The following SPRYD4 variants were observed in gnomAD, a reference collection of about 807,000 sequenced individuals.
SPRYD4 encodes SPRY domain-containing protein 4.
A neutral mutation model predicts 16.6 loss-of-function variants in SPRYD4; 12 were observed. The ratio of observed to expected loss-of-function variants is 0.72; its 90% CI spans 0.46 to 1.17. The LOEUF is 1.17. Among genes scored for constraint, SPRYD4 ranks in the 50% most tolerant of loss-of-function variants. SPRYD4 has a pLI of 0.00. For synonymous variants in SPRYD4, 98 were observed against 105.4 expected (o/e 0.93, Z 0.43); for missense variants, 260 against 260.2 (o/e 1.00, Z 0.00).
At position 56,476,530 on chromosome 12, in the gene SPRYD4, G is replaced by A. The variant is rs569131224; in HGVS notation, c.*6953G>A. On this transcript the variant is annotated 3_prime_UTR_variant, in exon 2 of 2. Transcript: ENST00000338146. ...GCAATTTGGGGGGCTGAGGCAGGAG[G>A]ATCGCTTGAGACCAGGGGTTTGAGA... 2.5e-3 allele frequency: 384 copies of A among 154,848 alleles called. 1 individual carries two copies. Among genetic ancestry groups the A allele is most frequent in the Middle Eastern group, 0.02 (6 of 302 alleles). 9.6% of individuals were successfully genotyped at this position (154,848 alleles called of 1,614,324 possible). A position where few individuals can be genotyped will look rare whatever the true frequency, so the allele number is the denominator to read the frequency against.
Position 56,469,351 on chromosome 12 carries a change from C to A in SPRYD4, c.398C>A (p.Thr133Asn), listed in dbSNP as rs146673445. Residue 133 changes from threonine to asparagine, a missense_variant, in exon 2 of 2, where the codon ACC (threonine) becomes AAC (asparagine). Transcript: ENST00000338146. ...ACCTATGCCCAGCGCAAGTGGTACA[C>A]CATGTTGGCCAACGAGAAAGCCCCA... ...VFTYAQRKWY[T>N]MLANEKAPVE... 5 of 1,614,008 alleles carry A rather than the reference C, an allele frequency of 3.1e-6. No individual in the cohort carries two copies. In the African/African-American group the frequency reaches 6.7e-5, roughly 22 times the overall value.
chr12:56,468,596 C>T lies in SPRYD4; in HGVS notation c.5C>T (p.Ala2Val). The change falls in exon 1 of 2, where the codon GCG becomes GTG. Residue 2 changes from alanine to valine, a missense_variant. Ala to Val is a moderately conservative substitution (Grantham distance 64, BLOSUM62 0). Coordinates refer to ENST00000338146, the MANE Select transcript of SPRYD4 (RefSeq NM_207344.4). Reference protein sequence around the residue: MALLFARSLRLC... With the variant: MVLLFARSLRLC... Reference sequence around the variant, plus strand: ...CCGGTTCATCCAAGGCGCAAGATGGCGCTGCTTTTTGCACGTTCTTTGCGC... The same window carrying T: ...CCGGTTCATCCAAGGCGCAAGATGGTGCTGCTTTTTGCACGTTCTTTGCGC... 6.2e-7 allele frequency: 1 copy of T among 1,613,244 alleles called. No individual in the cohort carries two copies. Among genetic ancestry groups the T allele is most frequent in the Non-Finnish European group, 8.5e-7 (1 of 1,179,940 alleles).
chr12:56,469,553 G>A lies in SPRYD4; in HGVS notation c.600G>A (p.Gly200=). 6.2e-7 allele frequency: 1 copy of A among 1,613,810 alleles called. No individual in the cohort carries two copies. The highest frequency in any genetic ancestry group is 1.7e-4 in the Middle Eastern group (1 of 6,058). ...LWDGELLTHS[G]LEVPEGL ...ATGGGGAGCTGCTGACCCATTCAGG[G>A]CTTGAGGTGCCCGAGGGCCTCTAGT... The change falls in exon 2 of 2, where the codon GGG becomes GGA. Residue 200 remains glycine (G), a synonymous_variant. Coordinates refer to ENST00000338146, the MANE Select transcript of SPRYD4 (RefSeq NM_207344.4).
rs753517065 is a variant in SPRYD4, at chr12:56,474,868, GCC to G, written c.*5292_*5293del. 6.2e-7 allele frequency: 1 copy of G among 1,614,180 alleles called. No homozygotes were observed. The highest frequency in any genetic ancestry group is 8.5e-7 in the Non-Finnish European group (1 of 1,180,032). On this transcript the variant is annotated 3_prime_UTR_variant, in exon 2 of 2. Coordinates refer to ENST00000338146, the MANE Select transcript of SPRYD4 (RefSeq NM_207344.4). ...TACCTGGAAGTAGAGATCAAGGGCA[GCC>G]ATCATGTCCACCCCCTTAGGAAAGC... is the stretch of plus-strand genomic sequence containing the variant.
Position 56,469,527 on chromosome 12 carries a change from G to C in SPRYD4, c.574G>C (p.Asp192His), listed in dbSNP as rs1441559573. The C allele has an allele frequency of 6.2e-7, 1 of 1,613,974 alleles. No homozygotes were observed. The highest frequency in any genetic ancestry group is 1.3e-5 in the African/African-American group (1 of 74,906). Residue 192 changes from aspartate to histidine, a missense_variant, in exon 2 of 2, where the codon GAT becomes CAT. Coordinates refer to ENST00000338146, the MANE Select transcript of SPRYD4 (RefSeq NM_207344.4). ...AGTGGTGCCTGCCTTTGCTCTCTGG[G>C]ATGGGGAGCTGCTGACCCATTCAGG... ...GPVVPAFALW[D>H]GELLTHSGLE... is the part of the protein sequence containing the mutation.
chr12:56,477,013 C>T lies in SPRYD4; in HGVS notation c.*7436C>T, dbSNP rs1869887383. Reference sequence around the variant, plus strand: ...GAGAGACTCAGCCTCTTTTCCTCACCCAGACTCATTGCTTACTCATGTGTC... The same window carrying T: ...GAGAGACTCAGCCTCTTTTCCTCACTCAGACTCATTGCTTACTCATGTGTC... On this transcript the variant is annotated 3_prime_UTR_variant, in exon 2 of 2. Coordinates refer to ENST00000338146, the MANE Select transcript of SPRYD4 (RefSeq NM_207344.4). 1 of 152,226 alleles carries T rather than the reference C, an allele frequency of 6.6e-6. No homozygotes were observed. Among genetic ancestry groups the T allele is most frequent in the African/African-American group, 2.4e-5 (1 of 41,442 alleles). 9.4% of individuals were successfully genotyped at this position (152,226 alleles called of 1,614,324 possible).
chr12:56,469,246 A>T lies in SPRYD4; in HGVS notation c.293A>T (p.Gln98Leu). 6.2e-7 allele frequency: 1 copy of T among 1,614,012 alleles called. No homozygotes were observed. The highest frequency in any genetic ancestry group is 8.5e-7 in the Non-Finnish European group (1 of 1,179,900). ...HYWEVTVKRS[Q>L]QFRIGVADVD... ...TGGGAAGTGACAGTGAAGCGCTCCC[A>T]GCAGTTCCGGATAGGAGTGGCAGAT... The change falls in exon 2 of 2, where the codon CAG becomes CTG. Residue 98 changes from glutamine to leucine, a missense_variant. Physicochemically the swap from Gln to Leu is moderately radical, Grantham distance 113. Transcript: ENST00000338146.
At position 56,477,637 on chromosome 12, in the gene SPRYD4, C is replaced by T; in HGVS notation, c.*8060C>T. 1 of 1,607,790 alleles carries T rather than the reference C, an allele frequency of 6.2e-7. No homozygotes were observed. Among genetic ancestry groups the T allele is most frequent in the Non-Finnish European group, 8.5e-7 (1 of 1,175,784 alleles). ...CAGGAGCTTAGAGGATAATACCTAT[C>T]AGAAGGTTAAGGTGGCACTGACCTT... On this transcript the variant is annotated 3_prime_UTR_variant, in exon 2 of 2. Transcript: ENST00000338146.
rs1869781599 is a variant in SPRYD4 at position 56,476,052 on chromosome 12, G to C, written c.*6475G>C. ...GAGGGAAGGGTCAGAAGGATCTAGT[G>C]GAGTTCTAGTGTTAGTCTGGTCCTG... On this transcript the variant is annotated 3_prime_UTR_variant, in exon 2 of 2. Transcript: ENST00000338146. 1 of 1,440,404 alleles carries C rather than the reference G, an allele frequency of 6.9e-7. No individual in the cohort carries two copies. The highest frequency in any genetic ancestry group is 1.4e-5 in the African/African-American group (1 of 71,742). The allele number at this position is 1,440,404 out of a possible 1,614,324, so 89.2% of individuals were successfully genotyped here. A position where few individuals can be genotyped will look rare whatever the true frequency, so the allele number is the denominator to read the frequency against.
chr12:56,472,797 T>C lies in SPRYD4; in HGVS notation c.*3220T>C. 6.4e-7 allele frequency: 1 copy of C among 1,553,260 alleles called. No homozygotes were observed. Reference sequence around the variant, plus strand: ...ACATGACATTAATTGAACTCACCTATGCCAGCTGTGCCCTGTGACCCTCCT... The same window carrying C: ...ACATGACATTAATTGAACTCACCTACGCCAGCTGTGCCCTGTGACCCTCCT... On this transcript the variant is annotated 3_prime_UTR_variant, in exon 2 of 2. Transcript: ENST00000338146.
rs1869133460 is a variant in SPRYD4 at position 56,469,267 on chromosome 12, C to T, written c.314C>T (p.Ala105Val). The change falls in exon 2 of 2, where the codon GCA becomes GTA. Residue 105 changes from alanine (A) to valine (V), a missense_variant. Transcript: ENST00000338146. Reference protein sequence around the residue: ...KRSQQFRIGVADVDMSRDSCI... With the variant: ...KRSQQFRIGVVDVDMSRDSCI... ...TCCCAGCAGTTCCGGATAGGAGTGG[C>T]AGATGTGGACATGTCCCGGGATAGC... 6.2e-7 allele frequency: 1 copy of T among 1,613,912 alleles called. No individual in the cohort carries two copies. Among genetic ancestry groups the T allele is most frequent in the African/African-American group, 1.3e-5 (1 of 74,912 alleles).
Position 56,475,068 on chromosome 12 carries a change from G to C in SPRYD4, c.*5491G>C, listed in dbSNP as rs559073025. 1 of 1,614,086 alleles carries C rather than the reference G, an allele frequency of 6.2e-7. No individual in the cohort carries two copies. The highest frequency in any genetic ancestry group is 8.5e-7 in the Non-Finnish European group (1 of 1,180,034). ...CCTTCTTTTCCTTGAGATAATAGCC[G>C]ATGGCATAATTCCGATCCCCTGTTT... On this transcript the variant is annotated 3_prime_UTR_variant, in exon 2 of 2. Transcript: ENST00000338146.
In SPRYD4 at chr12:56,474,838, TTTC is replaced by T. The variant is rs766646643; in HGVS notation, c.*5264_*5266del. On this transcript the variant is annotated 3_prime_UTR_variant, in exon 2 of 2. Coordinates refer to ENST00000338146, the MANE Select transcript of SPRYD4 (RefSeq NM_207344.4). ...CTGTTCCCTCGGCCCTGAGCAGTGTTTTCTTACCTGGAAGTAGAGATCAAGGGC... is the reference window on the plus strand; with the variant it reads ...CTGTTCCCTCGGCCCTGAGCAGTGTTTTACCTGGAAGTAGAGATCAAGGGC... The T allele has an allele frequency of 1.2e-6, 2 of 1,614,024 alleles. No homozygotes were observed. Among genetic ancestry groups the T allele is most frequent in the African/African-American group, 2.7e-5 (2 of 74,904 alleles).
At position 56,471,369 on chromosome 12, in the gene SPRYD4, A is replaced by T; in HGVS notation, c.*1792A>T. 9.0e-7 allele frequency: 1 copy of T among 1,114,174 alleles called. No homozygotes were observed. Among genetic ancestry groups the T allele is most frequent in the Non-Finnish European group, 1.3e-6 (1 of 799,192 alleles). The allele number at this position is 1,114,174 out of a possible 1,614,324, so 69.0% of individuals were successfully genotyped here. On this transcript the variant is annotated 3_prime_UTR_variant, in exon 2 of 2. Coordinates refer to ENST00000338146, the MANE Select transcript of SPRYD4 (RefSeq NM_207344.4). The stretch of plus-strand genomic sequence containing the variant: ...AGAAAGCACTAGCCTAAGTCACCAA[A>T]TGACTGCTTGGTCCCCACTGAAGCA...
In SPRYD4 at chr12:56,469,326, A is replaced by G. The variant is rs765995163; in HGVS notation, c.373A>G (p.Thr125Ala). Residue 125 changes from threonine to alanine, a missense_variant, in exon 2 of 2, where the codon ACC (threonine) becomes GCC (alanine). Physicochemically the swap from Thr to Ala is moderately conservative, Grantham distance 58. Transcript: ENST00000338146. Reference protein sequence around the residue: ...IGVDDRSWVFTYAQRKWYTML... With the variant: ...IGVDDRSWVFAYAQRKWYTML... ...TGTTGATGATCGTTCCTGGGTGTTC[A>G]CCTATGCCCAGCGCAAGTGGTACAC... 4 of 1,614,076 alleles carry G rather than the reference A, an allele frequency of 2.5e-6. No individual in the cohort carries two copies. The highest frequency in any genetic ancestry group is 2.2e-5 in the South Asian group (2 of 91,076).
intron 1 of SPRYD4, 103 bp downstream of exon 1, chr12:56,468,779 T>C: frequency 7.8e-7 from 1 of 1,284,070 alleles, no homozygotes; most frequent in South Asian, 1.2e-5. Context: ...GGTCTTTTCC[T>C]TCCCCACCTG....
In SPRYD4 at chr12:56,472,525, T is replaced by C. The variant is rs1869377385; in HGVS notation, c.*2948T>C. ...AATTATCATAGAGCAGACAGTTTAC[T>C]TTTTTTAAAAAAAATCTCCTTTTTT... On this transcript the variant is annotated 3_prime_UTR_variant, in exon 2 of 2. Transcript: ENST00000338146. 1 of 650,490 alleles carries C rather than the reference T, an allele frequency of 1.5e-6. No individual in the cohort carries two copies. Among genetic ancestry groups the C allele is most frequent in the East Asian group, 2.8e-5 (1 of 36,086 alleles). The allele number at this position is 650,490 out of a possible 1,614,324, so 40.3% of individuals were successfully genotyped here. A position where few individuals can be genotyped will look rare whatever the true frequency, so the allele number is the denominator to read the frequency against.
At position 56,472,913 on chromosome 12, in the gene SPRYD4, A is replaced by C; in HGVS notation, c.*3336A>C. ...TTTTTTTTTTTTTTTTTTGAGACGG[A>C]GTCTCGCTCTGTCGTTCAGGCTGAA... On this transcript the variant is annotated 3_prime_UTR_variant, in exon 2 of 2. Coordinates refer to ENST00000338146, the MANE Select transcript of SPRYD4 (RefSeq NM_207344.4). 1.8e-6 allele frequency: 1 copy of C among 559,004 alleles called. No homozygotes were observed. The highest frequency in any genetic ancestry group is 3.0e-6 in the Non-Finnish European group (1 of 334,246). 34.6% of individuals were successfully genotyped at this position (559,004 alleles called of 1,614,324 possible).
rs1389822974 is a variant in SPRYD4, at chr12:56,475,813, C to A, written c.*6236C>A. On this transcript the variant is annotated 3_prime_UTR_variant, in exon 2 of 2. Transcript: ENST00000338146. Reference sequence around the variant, plus strand: ...CCTCTCTGAGGCCAGCAGATTTCCACATTTCTGGAAATAAGGCTTCTAGTA... The same window carrying A: ...CCTCTCTGAGGCCAGCAGATTTCCAAATTTCTGGAAATAAGGCTTCTAGTA... The A allele has an allele frequency of 2.1e-6, 3 of 1,402,330 alleles. No individual in the cohort carries two copies. The highest frequency in any genetic ancestry group is 1.2e-5 in the South Asian group (1 of 85,328). The allele number at this position is 1,402,330 out of a possible 1,614,324, so 86.9% of individuals were successfully genotyped here.
Sources: gnomAD v4.1 joint callset for allele counts on GRCh38, gnomAD v4.1.1 for gene constraint, MANE v1.5 for transcripts, NCBI Gene and HGNC (gene_info 2026-07-23, HGNC 2026-07-21) for gene names.